DNAL1: variants seen among roughly 807,000 people sequenced by gnomAD.
The protein encoded by DNAL1 is chromosome 14 open reading frame 168.
Under a neutral mutation model 29.4 loss-of-function variants are expected in DNAL1, and 17 were observed. That is an observed-to-expected ratio of 0.58 (90% CI 0.40 to 0.87). DNAL1 has a LOEUF of 0.87. Ranked by LOEUF, DNAL1 falls within the 40% of genes least tolerant of loss-of-function variation. DNAL1 has a pLI of 0.00. For synonymous variants in DNAL1, 78 were observed against 76.3 expected (o/e 1.02, Z -0.12); for missense variants, 188 against 214.1 (o/e 0.88, Z 0.76).
chr14:73,654,904 CCTT>C lies in DNAL1; in HGVS notation c.42+23_42+25del. 6.5e-7 allele frequency: 1 copy of C among 1,541,162 alleles called. No homozygotes were observed. The highest frequency in any genetic ancestry group is 8.7e-7 in the Non-Finnish European group (1 of 1,143,586). ...GAGATGGGTGAGTACATGAGTTTTT[CCTT>C]CTTTTAGAAACTGTACAAGGAAAAA... is the stretch of plus-strand genomic sequence containing the variant. On this transcript the variant is annotated intron_variant, in intron 2 of 7. Coordinates refer to ENST00000553645, the MANE Select transcript of DNAL1 (RefSeq NM_031427.4).
At chr14:73,652,792 T>G (rs1458627723) in intron 1 of DNAL1, among the ~76,000 whole-genome samples, 2 of 152,188 alleles carry the variant, frequency 1.3e-5, no homozygotes, top group Non-Finnish European at 2.9e-5. Context: ...ATCTCTTATT[T>G]TTTGACAAAT....
chr14:73,649,673 A>G (rs1165408665), intron 1 of DNAL1, among the ~76,000 whole-genome samples: 1 of 152,148 alleles, frequency 6.6e-6, no homozygotes, highest in Non-Finnish European at 1.5e-5. Context: ...TCCTCCACAC[A>G]CATTTACATA....
intron 5 of DNAL1, among the ~76,000 whole-genome samples, chr14:73,682,261 C>T (rs1357193705): frequency 1.3e-5 from 2 of 148,366 alleles, no homozygotes; most frequent in Non-Finnish European, 3.0e-5. Context: ...ACCTCTGCCT[C>T]CCAGGTTCAA....
chr14:73,678,408 TTA>T (rs1891795107), intron 5 of DNAL1, among the ~76,000 whole-genome samples: 1 of 152,086 alleles, frequency 6.6e-6, no homozygotes, highest in South Asian at 2.1e-4. Context: ...TTTACATGCA[TTA>T]TCTCATTTCC....
intron 5 of DNAL1, among the ~76,000 whole-genome samples, chr14:73,677,864 T>TTATA (rs35545274): frequency 1.3e-4 from 17 of 130,848 alleles, no homozygotes; most frequent in African/African-American, 3.3e-4. Flanking sequence ...GCCCATATAT[T>TTATA]TATATATATA....
rs1191921532 is a variant in DNAL1 at position 73,696,532 on chromosome 14, ATTTG to A, written c.*594_*597del. 2 of 152,252 alleles carry A rather than the reference ATTTG, an allele frequency of 1.3e-5. No individual in the cohort carries two copies. The highest frequency in any genetic ancestry group is 2.4e-5 in the African/African-American group (1 of 41,444). 9.4% of individuals were successfully genotyped at this position (152,252 alleles called of 1,614,324 possible). On this transcript the variant is annotated 3_prime_UTR_variant, in exon 8 of 8. Coordinates refer to ENST00000553645, the MANE Select transcript of DNAL1 (RefSeq NM_031427.4). Reference sequence around the variant, plus strand: ...AGACCTTCTAGTCTATATTATACTTATTTGTTTTTCCAAAAATGTGCACATTGTC... The same window carrying A: ...AGACCTTCTAGTCTATATTATACTTATTTTTCCAAAAATGTGCACATTGTC...
At chr14:73,681,882 G>A (rs976342762) in intron 5 of DNAL1, among the ~76,000 whole-genome samples, 7 of 151,620 alleles carry the variant, frequency 4.6e-5, no homozygotes, top group African/African-American at 1.5e-4. Flanking sequence ...GGAGACTGAC[G>A]CAGGTGGATC....
At chr14:73,689,611 T>C (rs1406446464) in intron 7 of DNAL1, 96 bp downstream of exon 7, 1 of 1,511,714 alleles carries the variant, frequency 6.6e-7, no homozygotes, top group Non-Finnish European at 9.0e-7. Context: ...AAAGAAAAAA[T>C]ACCTCTGATC....
chr14:73,668,993 C>A lies in DNAL1; in HGVS notation c.209-2549C>A, dbSNP rs560889512. Among the ~76,000 whole-genome samples the A allele has an allele frequency of 9.2e-5, 14 of 151,992 alleles. No homozygotes were observed. In the South Asian group the frequency reaches 2.7e-3, roughly 29 times the overall value. ...CACCTGGCCCCTCCCTCTCTCTGTACATGTTCTTTTCTCTGTGTCTATGTC... is the reference window on the plus strand; with the variant it reads ...CACCTGGCCCCTCCCTCTCTCTGTAAATGTTCTTTTCTCTGTGTCTATGTC... On this transcript the variant is annotated intron_variant, in intron 4 of 7. Transcript: ENST00000553645.
chr14:73,689,777 T>C (rs1892120871), intron 7 of DNAL1, among the ~76,000 whole-genome samples: 1 of 152,108 alleles, frequency 6.6e-6, no homozygotes, highest in African/African-American at 2.4e-5. Context: ...GGCTCACGCC[T>C]GTAATCCTAG....
rs559672353 is a variant in DNAL1 at position 73,698,998 on chromosome 14, T to C, written c.*3056T>C. 6 of 152,306 alleles carry C rather than the reference T, an allele frequency of 3.9e-5. No individual in the cohort carries two copies. In the South Asian group the frequency reaches 1.2e-3, roughly 32 times the overall value. 9.4% of individuals were successfully genotyped at this position (152,306 alleles called of 1,614,324 possible). A position where few individuals can be genotyped will look rare whatever the true frequency, so the allele number is the denominator to read the frequency against. ...CATTTTGGGATTGATAATTCATTGT[T>C]GTTGGGGGCTGTCCTGTGTGCTTAG... On this transcript the variant is annotated 3_prime_UTR_variant, in exon 8 of 8. Coordinates refer to ENST00000553645, the MANE Select transcript of DNAL1 (RefSeq NM_031427.4).
At chr14:73,662,807 CTTTTTTTTT>C (rs61249050) in intron 4 of DNAL1, among the ~76,000 whole-genome samples, 2 of 135,304 alleles carry the variant, frequency 1.5e-5, no homozygotes, top group Non-Finnish European at 3.2e-5. Context: ...CTGCAAAGTA[CTTTTTTTTT>C]TTTTTTTTTT....
chr14:73,673,644 T>A (rs749197351), intron 5 of DNAL1, among the ~76,000 whole-genome samples: 2 of 152,140 alleles, frequency 1.3e-5, no homozygotes, highest in Non-Finnish European at 2.9e-5. Context: ...ATGCCGGTAA[T>A]CTGGCACTTA....
At chr14:73,695,401 T>C (rs1042125277) in intron 7 of DNAL1, among the ~76,000 whole-genome samples, 1 of 151,880 alleles carries the variant, frequency 6.6e-6, no homozygotes, top group Admixed American at 6.6e-5. Context: ...GGGCTTAATA[T>C]TCACAAGTAT....
In DNAL1 at chr14:73,703,506, A is replaced by G. The variant is rs1892485136; in HGVS notation, c.*7564A>G. On this transcript the variant is annotated 3_prime_UTR_variant, in exon 8 of 8. Coordinates refer to ENST00000553645, the MANE Select transcript of DNAL1 (RefSeq NM_031427.4). ...CTGCCCCACCCTAACTGATCAATGT[A>G]CTTTGTAATCTCCCCCACCCTTAAG... The G allele has an allele frequency of 6.6e-6, 1 of 152,190 alleles. No individual in the cohort carries two copies. The highest frequency in any genetic ancestry group is 1.5e-5 in the Non-Finnish European group (1 of 68,044). 9.4% of individuals were successfully genotyped at this position (152,190 alleles called of 1,614,324 possible). A position where few individuals can be genotyped will look rare whatever the true frequency, so the allele number is the denominator to read the frequency against.
At chr14:73,648,258 G>A (rs548303746) in intron 1 of DNAL1, among the ~76,000 whole-genome samples, 3 of 151,704 alleles carry the variant, frequency 2.0e-5, no homozygotes, top group African/African-American at 2.4e-5. Context: ...GATTGCAGGC[G>A]TGAGCCACCG....
intron 5 of DNAL1, among the ~76,000 whole-genome samples, chr14:73,673,886 G>GAA (rs11394636): frequency 2.1e-4 from 30 of 143,890 alleles, no homozygotes; most frequent in South Asian, 6.7e-4. Flanking sequence ...TGACAGAGGG[G>GAA]AAAAAAAAAA....
At chr14:73,683,447 A>T (rs2140054812) in intron 5 of DNAL1, among the ~76,000 whole-genome samples, 1 of 152,206 alleles carries the variant, frequency 6.6e-6, no homozygotes, top group East Asian at 1.9e-4. Flanking sequence ...ATCTTATGGG[A>T]CCACCATTGT....
intron 5 of DNAL1, among the ~76,000 whole-genome samples, chr14:73,674,069 G>C (rs1197529033): frequency 1.3e-5 from 2 of 151,870 alleles, no homozygotes; most frequent in African/African-American, 2.4e-5. Context: ...TAAGTTGAAG[G>C]AAAGGGGTTG....
Sources: allele counts gnomAD v4.1 joint callset (sites outside exome capture counted in the v4.1 genomes callset), GRCh38; gene constraint gnomAD v4.1.1; transcripts MANE v1.5; gene names NCBI Gene and HGNC (gene_info 2026-07-23, HGNC 2026-07-21).